The following RAB3C variants were observed in gnomAD, a reference collection of about 807,000 sequenced individuals.
RAB3C encodes RAB3C, member RAS oncogene family.
A neutral mutation model predicts 26.4 loss-of-function variants in RAB3C; 17 were observed. That is an observed-to-expected ratio of 0.64 (90% CI 0.44 to 0.97). The LOEUF (loss-of-function observed/expected upper bound fraction) is 0.97, where lower values mean the gene tolerates loss of function less well. RAB3C is among the 50% of genes least tolerant of loss of function. The pLI is 0.00. For missense variants in RAB3C, 242 were observed against 281.9 expected (o/e 0.86, Z 1.01); for synonymous variants, 91 against 95.9 (o/e 0.95, Z 0.30).
intron 2 of RAB3C, among the ~76,000 whole-genome samples, chr5:58,687,476 A>C (rs1436690597): frequency 6.6e-6 from 1 of 152,158 alleles, no homozygotes; most frequent in Non-Finnish European, 1.5e-5. Flanking sequence ...CAACAACAGA[A>C]GTAATTGCAA....
chr5:58,841,124 C>T (rs541404184), intron 4 of RAB3C, among the ~76,000 whole-genome samples: 3 of 152,252 alleles, frequency 2.0e-5, no homozygotes, highest in South Asian at 2.1e-4. Context: ...GGGGCAGGGG[C>T]ACTGCAGGGC....
intron 4 of RAB3C, among the ~76,000 whole-genome samples, chr5:58,842,584 A>G (rs573600455): frequency 6.6e-6 from 1 of 152,326 alleles, no homozygotes; most frequent in South Asian, 2.1e-4. Context: ...TGGCATTTGC[A>G]TGGCTTGGCT....
chr5:58,643,112 G>T (rs1017326275), intron 2 of RAB3C, among the ~76,000 whole-genome samples: 1 of 152,168 alleles, frequency 6.6e-6, no homozygotes, highest in Non-Finnish European at 1.5e-5. Context: ...CAGTCTGCCT[G>T]TATAGCTAAT....
At chr5:58,690,992 C>T (rs923198749) in intron 2 of RAB3C, among the ~76,000 whole-genome samples, 4 of 151,974 alleles carry the variant, frequency 2.6e-5, no homozygotes, top group African/African-American at 7.2e-5. Context: ...TTTCATGTTT[C>T]GTGATAAGTT....
chr5:58,627,709 T>C (rs955041187), intron 2 of RAB3C, among the ~76,000 whole-genome samples: 9 of 152,186 alleles, frequency 5.9e-5, no homozygotes, highest in African/African-American at 1.9e-4. Flanking sequence ...ATTGCCACTG[T>C]GGCAGCTAAA....
chr5:58,584,195 A>T (rs1479176585), intron 1 of RAB3C, among the ~76,000 whole-genome samples: 1 of 152,234 alleles, frequency 6.6e-6, no homozygotes, highest in African/African-American at 2.4e-5. Flanking sequence ...TAAATATTTG[A>T]CATTAATTCG....
At chr5:58,763,191 A>G (rs1579905631) in intron 3 of RAB3C, among the ~76,000 whole-genome samples, 2 of 152,310 alleles carry the variant, frequency 1.3e-5, no homozygotes, top group South Asian at 4.1e-4. Flanking sequence ...CCAAAAGGGT[A>G]TACTATATAT....
At chr5:58,642,942 T>C (rs540456058) in intron 2 of RAB3C, among the ~76,000 whole-genome samples, 9 of 152,332 alleles carry the variant, frequency 5.9e-5, no homozygotes, top group South Asian at 2.1e-4. Context: ...CAATTTATAA[T>C]AGGGATCTTA....
chr5:58,808,463 A>G (rs1742995410), intron 3 of RAB3C, among the ~76,000 whole-genome samples: 1 of 152,200 alleles, frequency 6.6e-6, no homozygotes, highest in Admixed American at 6.5e-5. Flanking sequence ...ATTTTAAATC[A>G]GATTATTGAA....
intron 3 of RAB3C, among the ~76,000 whole-genome samples, chr5:58,817,962 G>A (rs918002845): frequency 6.6e-6 from 1 of 152,218 alleles, no homozygotes; most frequent in East Asian, 1.9e-4. Flanking sequence ...ATGCAGTAGA[G>A]CAATATTAGC....
rs184750596 is a variant in RAB3C at position 58,853,767 on chromosome 5, T to A, written c.*2416T>A. 2 of 152,192 alleles carry A rather than the reference T, an allele frequency of 1.3e-5. No individual in the cohort carries two copies. The highest frequency in any genetic ancestry group is 2.9e-5 in the Non-Finnish European group (2 of 68,046). 9.4% of individuals were successfully genotyped at this position (152,192 alleles called of 1,614,324 possible). A position where few individuals can be genotyped will look rare whatever the true frequency, so the allele number is the denominator to read the frequency against. On this transcript the variant is annotated 3_prime_UTR_variant, in exon 5 of 5. Coordinates refer to ENST00000282878, the MANE Select transcript of RAB3C (RefSeq NM_138453.4). ...CCCAATGGAAGTGAGGCCTTTTTCA[T>A]TGATTCTCAGTTCTGAAACTCCCAC...
intron 1 of RAB3C, among the ~76,000 whole-genome samples, chr5:58,605,795 C>T (rs903444543): frequency 6.6e-6 from 1 of 152,152 alleles, no homozygotes; most frequent in Non-Finnish European, 1.5e-5. Context: ...ATCCCTGCTA[C>T]TTGGGAGGCT....
intron 3 of RAB3C, among the ~76,000 whole-genome samples, chr5:58,770,840 A>G (rs1459947289): frequency 6.6e-6 from 1 of 152,196 alleles, no homozygotes; most frequent in Non-Finnish European, 1.5e-5. Context: ...AGGAAACAGG[A>G]CAAAACTCAA....
chr5:58,856,898 A>G lies in RAB3C; in HGVS notation c.*5547A>G, dbSNP rs1456374025. On this transcript the variant is annotated 3_prime_UTR_variant, in exon 5 of 5. Transcript: ENST00000282878. ...TCATTATCCCTAGGATACGTGCTAA[A>G]GGAAAACTGTCCTGTAATTCCTGTT... 1 of 152,344 alleles carries G rather than the reference A, an allele frequency of 6.6e-6. No homozygotes were observed. The highest frequency in any genetic ancestry group is 2.4e-5 in the African/African-American group (1 of 41,578). 9.4% of individuals were successfully genotyped at this position (152,344 alleles called of 1,614,324 possible). A position where few individuals can be genotyped will look rare whatever the true frequency, so the allele number is the denominator to read the frequency against.
rs549976872 is a variant in RAB3C at position 58,775,237 on chromosome 5, C to T, written c.371+49117C>T. 1.1e-4 allele frequency among the ~76,000 whole-genome samples: 16 copies of T among 152,188 alleles called. No homozygotes were observed. In the East Asian group the frequency reaches 3.1e-3, roughly 29 times the overall value. ...TCCCATCTGGTTCATGCCCCCAGTG[C>T]TCTTCTGAAAATACTCTTGGCTGAG... On this transcript the variant is annotated intron_variant, in intron 3 of 4. Transcript: ENST00000282878.
At chr5:58,670,100 G>A (rs1188372332) in intron 2 of RAB3C, among the ~76,000 whole-genome samples, 3 of 152,158 alleles carry the variant, frequency 2.0e-5, no homozygotes, top group East Asian at 3.9e-4. Context: ...GAGGGTGGAG[G>A]TCATTGAGTC....
At chr5:58,594,966 C>T (rs1746216605) in intron 1 of RAB3C, among the ~76,000 whole-genome samples, 1 of 149,300 alleles carries the variant, frequency 6.7e-6, no homozygotes, top group African/African-American at 2.5e-5. Context: ...TTTACTCTTT[C>T]TCCTCAGGAA....
At chr5:58,700,909 A>G (rs1227749716) in intron 2 of RAB3C, among the ~76,000 whole-genome samples, 1 of 152,120 alleles carries the variant, frequency 6.6e-6, no homozygotes, top group Non-Finnish European at 1.5e-5. Flanking sequence ...TTCCTCCTTT[A>G]TGGATAGACC....
chr5:58,816,656 C>A (rs979561100), intron 3 of RAB3C, among the ~76,000 whole-genome samples: 1 of 152,070 alleles, frequency 6.6e-6, no homozygotes, highest in Non-Finnish European at 1.5e-5. Context: ...ATTGGGCCCT[C>A]AAATTTTTAT....
Sources: allele counts gnomAD v4.1 joint callset (sites outside exome capture counted in the v4.1 genomes callset), GRCh38; gene constraint gnomAD v4.1.1; transcripts MANE v1.5; gene names NCBI Gene and HGNC (gene_info 2026-07-23, HGNC 2026-07-21).